DOCK5: variants seen among roughly 807,000 people sequenced by gnomAD.
DOCK5 encodes dedicator of cytokinesis protein 5.
DOCK5 carries 142 observed loss-of-function variants against 251.8 expected under a neutral mutation model. The ratio of observed to expected loss-of-function variants is 0.56; its 90% CI spans 0.49 to 0.65. DOCK5 has a LOEUF of 0.65. DOCK5 is among the 30% of genes least tolerant of loss of function. The pLI is 0.00. For missense variants in DOCK5, 2,111 were observed against 2,312.3 expected (o/e 0.91, Z 1.79); for synonymous variants, 842 against 835.5 (o/e 1.01, Z -0.13).
At chr8:25,403,029 G>A (rs1034556810) in intron 47 of DOCK5, among the ~76,000 whole-genome samples, 1 of 152,160 alleles carries the variant, frequency 6.6e-6, no homozygotes, top group African/African-American at 2.4e-5. Context: ...GATTTAATGA[G>A]CTTAGTCATT....
intron 5 of DOCK5, among the ~76,000 whole-genome samples, chr8:25,281,896 A>G (rs1227811545): frequency 2.0e-5 from 3 of 151,736 alleles, no homozygotes; most frequent in Non-Finnish European, 2.9e-5. Context: ...AAAGAAAAAA[A>G]AAAAAAAAAA....
intron 1 of DOCK5, among the ~76,000 whole-genome samples, chr8:25,185,448 C>G (rs560634914): frequency 1.3e-5 from 2 of 152,252 alleles, no homozygotes; most frequent in South Asian, 4.1e-4. Context: ...AGCCGCCCTG[C>G]CCCCTTTCCT....
chr8:25,314,487 G>A (rs1312805284), intron 13 of DOCK5, among the ~76,000 whole-genome samples: 1 of 151,818 alleles, frequency 6.6e-6, no homozygotes, highest in Admixed American at 6.6e-5. Context: ...TGTGCATCTA[G>A]GCCTGAGGCA....
intron 15 of DOCK5, 131 bp from the exon 16 acceptor site, chr8:25,320,849 A>ACCTAT: frequency 1.4e-6 from 1 of 725,402 alleles, no homozygotes; most frequent in South Asian, 1.8e-5. Context: ...TTTGAATGAA[A>ACCTAT]CCTATACCAA....
intron 17 of DOCK5, 147 bp downstream of exon 17, chr8:25,324,098 GGGCCCTCCAGCTT>G: frequency 2.2e-6 from 2 of 895,854 alleles, no homozygotes; most frequent in Non-Finnish European, 3.3e-6. Flanking sequence ...AGAGGGCTCT[GGGCCCTCCAGCTT>G]TGTGGTTTCC....
intron 3 of DOCK5, among the ~76,000 whole-genome samples, chr8:25,274,381 C>T (rs1228773305): frequency 6.6e-6 from 1 of 152,236 alleles, no homozygotes. Flanking sequence ...TACCATGAAA[C>T]AGATCAGCAT....
intron 1 of DOCK5, among the ~76,000 whole-genome samples, chr8:25,197,182 A>G (rs1586220164): frequency 1.3e-5 from 2 of 152,214 alleles, no homozygotes; most frequent in South Asian, 2.1e-4. Context: ...CTACACCAGC[A>G]TACCTCCGGA....
chr8:25,339,895 A>G (rs1464875312), intron 22 of DOCK5, among the ~76,000 whole-genome samples: 1 of 152,224 alleles, frequency 6.6e-6, no homozygotes, highest in Non-Finnish European at 1.5e-5. Context: ...CGAAGGCTAC[A>G]GGTAGAAGCC....
intron 26 of DOCK5, among the ~76,000 whole-genome samples, chr8:25,349,295 T>C (rs1478851076): frequency 6.6e-6 from 1 of 152,046 alleles, no homozygotes; most frequent in Non-Finnish European, 1.5e-5. Context: ...AAAAACAGTA[T>C]GAAAAACTAT....
At chr8:25,214,713 C>A (rs563419154) in intron 1 of DOCK5, among the ~76,000 whole-genome samples, 2 of 152,262 alleles carry the variant, frequency 1.3e-5, no homozygotes, top group South Asian at 4.1e-4. Flanking sequence ...ATCGATTCAG[C>A]AGTCATCGGT....
intron 1 of DOCK5, among the ~76,000 whole-genome samples, chr8:25,220,253 GTGGTTTCC>G (rs1802349341): frequency 6.6e-6 from 1 of 151,782 alleles, no homozygotes; most frequent in Non-Finnish European, 1.5e-5. Context: ...AATTTCCCCA[GTGGTTTCC>G]TGGTCCTTGG....
intron 5 of DOCK5, among the ~76,000 whole-genome samples, chr8:25,288,860 T>C (rs1027454769): frequency 4.6e-5 from 7 of 152,234 alleles, no homozygotes; most frequent in African/African-American, 1.7e-4. Flanking sequence ...CTCATTTTTA[T>C]GTTTTGCTAA....
rs1029287053 is a variant in DOCK5 at position 25,275,428 on chromosome 8, G to A, written c.211G>A (p.Val71Met). Residue 71 changes from valine (V) to methionine (M), a missense_variant, in exon 4 of 52, where the codon GTG becomes ATG. Coordinates refer to ENST00000276440, the MANE Select transcript of DOCK5 (RefSeq NM_024940.8). ...ATATATCCATTTGAAAGAGGCAACT[G>A]TGGAAGACCTGGGGTAAGTTCCAAG... ...ETYIHLKEAT[V>M]EDLGQHETVI... The A allele has an allele frequency of 7.5e-6, 12 of 1,610,372 alleles. No individual in the cohort carries two copies. The highest frequency in any genetic ancestry group is 8.5e-7 in the Non-Finnish European group (1 of 1,178,936).
At chr8:25,287,458 A>G (rs1423416816) in intron 5 of DOCK5, among the ~76,000 whole-genome samples, 1 of 152,170 alleles carries the variant, frequency 6.6e-6, no homozygotes, top group Non-Finnish European at 1.5e-5. Flanking sequence ...GACTAAAACT[A>G]CAAAAAGTGA....
intron 36 of DOCK5, 55 bp from the exon 37 acceptor site, chr8:25,374,509 A>G: frequency 6.5e-7 from 1 of 1,527,202 alleles, no homozygotes; most frequent in Non-Finnish European, 8.9e-7. Context: ...AACAGAACTA[A>G]AAAACCTATA....
At position 25,184,962 on chromosome 8, in the gene DOCK5, GC is replaced by G; in HGVS notation, c.43+15del. Reference sequence around the variant, plus strand: ...AGAAGTACGGGGTTGGTGAGTGCGCGCCCCACCTTGTCCCGGCCCGACCCAC... The same window carrying G: ...AGAAGTACGGGGTTGGTGAGTGCGCGCCCACCTTGTCCCGGCCCGACCCAC... On this transcript the variant is annotated intron_variant, in intron 1 of 51. Coordinates refer to ENST00000276440, the MANE Select transcript of DOCK5 (RefSeq NM_024940.8). 3 of 1,402,104 alleles carry G rather than the reference GC, an allele frequency of 2.1e-6. No homozygotes were observed. Among genetic ancestry groups the G allele is most frequent in the South Asian group, 3.4e-5 (2 of 59,126 alleles). The allele number at this position is 1,402,104 out of a possible 1,614,324, so 86.9% of individuals were successfully genotyped here.
chr8:25,279,536 G>A (rs1467894427), intron 5 of DOCK5, among the ~76,000 whole-genome samples: 1 of 151,256 alleles, frequency 6.6e-6, no homozygotes, highest in African/African-American at 2.4e-5. Context: ...GCGCTGTCCC[G>A]GCTCACTGCA....
chr8:25,187,125 T>C (rs1801447228), intron 1 of DOCK5, among the ~76,000 whole-genome samples: 1 of 150,980 alleles, frequency 6.6e-6, no homozygotes, highest in Non-Finnish European at 1.5e-5. Flanking sequence ...AGCTTGAGCC[T>C]GGGAGGTTGA....
rs1186017304 is a variant in DOCK5 at position 25,345,529 on chromosome 8, A to C, written c.2672A>C (p.Asp891Ala). ...ACAGACCAGCTCAGCGGCCAGTTAG[A>C]TGACAACTCCAACAAGCCTGACCAC... is the stretch of plus-strand genomic sequence containing the variant. Reference protein sequence around the residue: ...LLTDQLSGQLDDNSNKPDHEA... With the variant: ...LLTDQLSGQLADNSNKPDHEA... Residue 891 changes from aspartate to alanine, a missense_variant, in exon 26 of 52, where the codon GAT (aspartate) becomes GCT (alanine). By Grantham distance (126) the Asp-to-Ala change is moderately radical (BLOSUM62 -2). Around this residue, in one of 3 missense-constraint regions of DOCK5, gnomAD observed 1,717 missense variants for 1,892.4 expected, o/e 0.91. Coordinates refer to ENST00000276440, the MANE Select transcript of DOCK5 (RefSeq NM_024940.8). 3.7e-6 allele frequency: 6 copies of C among 1,613,814 alleles called. No homozygotes were observed. The African/African-American group carries it at 8.0e-5, about 22-fold the overall frequency.
Sources: allele counts gnomAD v4.1 joint callset (sites outside exome capture counted in the v4.1 genomes callset), GRCh38; gene constraint gnomAD v4.1.1; regional missense constraint gnomAD v4.1.1; transcripts MANE v1.5; gene names NCBI Gene and HGNC (gene_info 2026-07-23, HGNC 2026-07-21).